PTPRD: variants seen among roughly 807,000 people sequenced by gnomAD.
PTPRD encodes protein tyrosine phosphatase receptor type D, also known as receptor-type tyrosine-protein phosphatase delta.
PTPRD carries 34 observed loss-of-function variants against 214.5 expected under a neutral mutation model. The observed-to-expected ratio is 0.16, with a 90% CI of 0.12 to 0.21. The LOEUF (loss-of-function observed/expected upper bound fraction) is 0.21. PTPRD is among the 10% of genes least tolerant of loss of function. PTPRD has a pLI of 1.00. For synonymous variants in PTPRD, 1,128 were observed against 845.7 expected (o/e 1.33, Z -5.79); for missense variants, 2,545 against 2,398.7 (o/e 1.06, Z -1.27).
At chr9:8,578,067 T>C (rs1043117588) in intron 14 of PTPRD, among the ~76,000 whole-genome samples, 1 of 152,218 alleles carries the variant, frequency 6.6e-6, no homozygotes, top group Admixed American at 6.5e-5. Flanking sequence ...AATTTTACAG[T>C]TAATTTCATT....
At chr9:9,228,261 G>A (rs958172538) in intron 9 of PTPRD, among the ~76,000 whole-genome samples, 45 of 152,050 alleles carry the variant, frequency 3.0e-4, no homozygotes, top group African/African-American at 1.0e-3. Context: ...AATTAAATAG[G>A]ATGTGGTCAG....
At chr9:10,208,523 A>G (rs62538585) in intron 3 of PTPRD, among the ~76,000 whole-genome samples, 14,674 of 152,250 alleles carry the variant, frequency 0.096, 913 homozygotes, top group Non-Finnish European at 0.14. Flanking sequence ...CAAAAAATAA[A>G]AAGACTAAAA....
intron 8 of PTPRD, among the ~76,000 whole-genome samples, chr9:9,448,336 G>C (rs10977758): frequency 0.16 from 24,466 of 151,942 alleles, 2,129 homozygotes; most frequent in Middle Eastern, 0.29. Flanking sequence ...CGTGTCGAGG[G>C]TGAGAGGTGA....
At chr9:9,773,930 A>G (rs1020187033) in intron 5 of PTPRD, among the ~76,000 whole-genome samples, 1 of 152,126 alleles carries the variant, frequency 6.6e-6, no homozygotes, top group Non-Finnish European at 1.5e-5. Flanking sequence ...TTATTTTTCC[A>G]CCATAATATT....
At chr9:8,370,062 C>G (rs2081045665) in intron 39 of PTPRD, among the ~76,000 whole-genome samples, 1 of 152,036 alleles carries the variant, frequency 6.6e-6, no homozygotes. Context: ...AAGTGGAAGA[C>G]TAAGACGATA....
At chr9:9,433,343 G>A (rs1161645110) in intron 8 of PTPRD, among the ~76,000 whole-genome samples, 1 of 152,140 alleles carries the variant, frequency 6.6e-6, no homozygotes, top group African/African-American at 2.4e-5. Context: ...ATGAAGTTGA[G>A]TCAGAATTAC....
At chr9:9,719,854 C>T (rs931839347) in intron 7 of PTPRD, among the ~76,000 whole-genome samples, 3 of 152,198 alleles carry the variant, frequency 2.0e-5, no homozygotes, top group African/African-American at 7.2e-5. Flanking sequence ...TCTTGCAGTA[C>T]ACCTGGTCCA....
intron 11 of PTPRD, among the ~76,000 whole-genome samples, chr9:8,895,095 C>A (rs2098597632): frequency 6.6e-6 from 1 of 152,220 alleles, no homozygotes; most frequent in Admixed American, 6.5e-5. Flanking sequence ...GTGCAGTACT[C>A]TTACACTGTG....
intron 7 of PTPRD, among the ~76,000 whole-genome samples, chr9:9,732,082 T>C (rs547267121): frequency 9.9e-5 from 15 of 152,004 alleles, no homozygotes; most frequent in African/African-American, 3.6e-4. Context: ...CAGGAGAAAG[T>C]GGGACTTGAA....
chr9:10,060,940 C>CTTTCTT (rs1555531962), intron 3 of PTPRD, among the ~76,000 whole-genome samples: 1 of 127,436 alleles, frequency 7.8e-6, no homozygotes. Context: ...TTCTTTCTTT[C>CTTTCTT]TTTCTTTCTT....
intron 4 of PTPRD, among the ~76,000 whole-genome samples, chr9:10,006,212 T>C (rs1365223017): frequency 6.6e-6 from 1 of 152,020 alleles, no homozygotes; most frequent in Admixed American, 6.6e-5. Flanking sequence ...ATCATTTTAA[T>C]ACATTGATGA....
intron 8 of PTPRD, among the ~76,000 whole-genome samples, chr9:9,433,218 C>T (rs1004943670): frequency 1.3e-5 from 2 of 152,080 alleles, no homozygotes; most frequent in East Asian, 1.9e-4. Flanking sequence ...TTGAAGGACT[C>T]GAGATGCCGA....
At chr9:8,820,714 T>C (rs1044798965) in intron 11 of PTPRD, among the ~76,000 whole-genome samples, 1 of 152,048 alleles carries the variant, frequency 6.6e-6, no homozygotes, top group African/African-American at 2.4e-5. Flanking sequence ...TTAAAATATA[T>C]ACATACTACA....
intron 2 of PTPRD, among the ~76,000 whole-genome samples, chr9:10,478,078 T>C (rs1055442455): frequency 2.6e-5 from 4 of 151,978 alleles, no homozygotes; most frequent in Non-Finnish European, 5.9e-5. Context: ...GAAACCACCA[T>C]GGTACATGTA....
chr9:9,526,384 G>A (rs372816393), intron 8 of PTPRD, among the ~76,000 whole-genome samples: 5 of 152,160 alleles, frequency 3.3e-5, no homozygotes, highest in East Asian at 1.9e-4. Flanking sequence ...CACATGTTAC[G>A]TATATTAAGG....
intron 10 of PTPRD, among the ~76,000 whole-genome samples, chr9:9,094,668 T>C (rs1278122908): frequency 1.3e-5 from 2 of 151,970 alleles, no homozygotes; most frequent in African/African-American, 2.4e-5. Flanking sequence ...CCAAAAACTA[T>C]TGGAATAAAA....
intron 11 of PTPRD, among the ~76,000 whole-genome samples, chr9:8,826,387 C>G (rs2097175734): frequency 6.6e-6 from 1 of 152,176 alleles, no homozygotes; most frequent in Non-Finnish European, 1.5e-5. Context: ...AATCCAATCT[C>G]ATTACCAAAG....
chr9:9,459,976 G>A (rs561269595), intron 8 of PTPRD, among the ~76,000 whole-genome samples: 4 of 152,104 alleles, frequency 2.6e-5, no homozygotes, highest in African/African-American at 7.2e-5. Flanking sequence ...AAAACACCAT[G>A]GAACTGGTAC....
chr9:8,852,153 G>A (rs34965880), intron 11 of PTPRD, among the ~76,000 whole-genome samples: 18,102 of 152,036 alleles, frequency 0.12, 1,495 homozygotes, highest in Middle Eastern at 0.19. Flanking sequence ...AAACCCCAAA[G>A]CAGTACTGAG....
Sources: allele counts gnomAD v4.1 joint callset (sites outside exome capture counted in the v4.1 genomes callset), GRCh38; gene constraint gnomAD v4.1.1; transcripts MANE v1.5; gene names NCBI Gene and HGNC (gene_info 2026-07-23, HGNC 2026-07-21).